STK17B: variants seen among roughly 807,000 people sequenced by gnomAD.
The protein encoded by STK17B is serine/threonine-protein kinase 17B.
Under a neutral mutation model 42.0 loss-of-function variants are expected in STK17B, and 21 were observed. That is an observed-to-expected ratio of 0.50 (90% CI 0.35 to 0.72). The LOEUF (loss-of-function observed/expected upper bound fraction) is 0.72. Ranked by LOEUF, STK17B falls within the 30% of genes least tolerant of loss-of-function variation. The pLI, the probability that STK17B is intolerant of heterozygous loss-of-function variation, is 0.00. For synonymous variants in STK17B, 143 were observed against 148.4 expected (o/e 0.96, Z 0.26); for missense variants, 349 against 446.0 (o/e 0.78, Z 1.96).
At position 196,137,731 on chromosome 2, in the gene STK17B, T is replaced by C; in HGVS notation, c.837-2A>G. The C allele has an allele frequency of 6.3e-7, 1 of 1,596,668 alleles. No individual in the cohort carries two copies. Among genetic ancestry groups the C allele is most frequent in the Non-Finnish European group, 8.5e-7 (1 of 1,171,126 alleles). ...CATATCTCTGCTGTTGGTCTTTTCC[T>C]TTGAAAGAAAGCACCAAGGGAAAAT... On this transcript the variant is annotated splice_acceptor_variant, in intron 7 of 7. Transcript: ENST00000263955. LOFTEE classifies it high-confidence loss of function.
intron 5 of STK17B, among the ~76,000 whole-genome samples, chr2:196,142,244 G>C (rs1462697342): frequency 2.0e-5 from 3 of 152,142 alleles, no homozygotes; most frequent in African/African-American, 7.2e-5. Context: ...TTTTAGTAGA[G>C]ATGGGGTTTC....
upstream of STK17B, chr2:196,176,188 C>T (rs995055171): frequency 6.6e-6 from 1 of 152,202 alleles, no homozygotes; most frequent in South Asian, 2.1e-4. Flanking sequence ...TCCACTCTGT[C>T]TTAGGGTCCA....
chr2:196,135,438 A>G lies in STK17B; in HGVS notation c.*2009T>C, dbSNP rs543456635. 3 of 152,296 alleles carry G rather than the reference A, an allele frequency of 2.0e-5. No individual in the cohort carries two copies. In the East Asian group the frequency reaches 5.8e-4, roughly 29 times the overall value. The allele number at this position is 152,296 out of a possible 1,614,324, so 9.4% of individuals were successfully genotyped here. On this transcript the variant is annotated 3_prime_UTR_variant, in exon 8 of 8. Coordinates refer to ENST00000263955, the MANE Select transcript of STK17B (RefSeq NM_004226.4). The stretch of plus-strand genomic sequence containing the variant: ...TTAAATGTCATAAGAAGAGAACATA[A>G]AGTCATATAAAGAATATAAATGTCA...
chr2:196,136,356 G>C lies in STK17B; in HGVS notation c.*1091C>G, dbSNP rs975715141. On this transcript the variant is annotated 3_prime_UTR_variant, in exon 8 of 8. Transcript: ENST00000263955. ...ACAATGAGGGGCCACTCTGCAGATG[G>C]CTTTAAGCTGAGCCTCCTCACTCAC... The C allele has an allele frequency of 6.6e-6, 1 of 152,478 alleles. No individual in the cohort carries two copies. The highest frequency in any genetic ancestry group is 1.5e-5 in the Non-Finnish European group (1 of 68,048). The allele number at this position is 152,478 out of a possible 1,614,324, so 9.4% of individuals were successfully genotyped here.
At chr2:196,165,520 C>A (rs558849167) in intron 1 of STK17B, 6 of 152,204 alleles carry the variant, frequency 3.9e-5, no homozygotes, top group Admixed American at 1.3e-4. Flanking sequence ...TTCTTTCCAC[C>A]CCCAGTTTAC....
chr2:196,163,223 T>C (rs555331419), intron 2 of STK17B, 39 bp downstream of exon 2: 37 of 1,598,702 alleles, frequency 2.3e-5, no homozygotes, highest in Middle Eastern at 2.3e-4. Flanking sequence ...AATCCAAAAT[T>C]TGAATTTAGA....
chr2:196,144,219 G>T (rs1337697045), intron 4 of STK17B, among the ~76,000 whole-genome samples: 2 of 151,422 alleles, frequency 1.3e-5, no homozygotes, highest in Admixed American at 6.6e-5. Context: ...GGCCGGGCAT[G>T]GTGGCTCACG....
In STK17B at chr2:196,136,615, A is replaced by T. The variant is rs1343265919; in HGVS notation, c.*832T>A. On this transcript the variant is annotated 3_prime_UTR_variant, in exon 8 of 8. Coordinates refer to ENST00000263955, the MANE Select transcript of STK17B (RefSeq NM_004226.4). ...TTTCTTCTATATTCAATTAATAAAT[A>T]TGTTTGACTAAAAATACAGAATATT... 4 of 152,228 alleles carry T rather than the reference A, an allele frequency of 2.6e-5. No individual in the cohort carries two copies. The highest frequency in any genetic ancestry group is 4.4e-5 in the Non-Finnish European group (3 of 68,040). 9.4% of individuals were successfully genotyped at this position (152,228 alleles called of 1,614,324 possible). A position where few individuals can be genotyped will look rare whatever the true frequency, so the allele number is the denominator to read the frequency against.
chr2:196,154,263 A>AACAACAACAAC (rs1559413056), intron 3 of STK17B: 66 of 109,910 alleles, frequency 6.0e-4, no homozygotes, highest in African/African-American at 1.7e-3. Flanking sequence ...ACAACAACAA[A>AACAACAACAAC]AGATAATAAT....
intron 3 of STK17B, chr2:196,151,292 G>A (rs1442666918): frequency 1.3e-5 from 2 of 151,788 alleles, no homozygotes; most frequent in South Asian, 2.1e-4. Context: ...CGCCCAGACT[G>A]GGGTGCAGTG....
intron 1 of STK17B, among the ~76,000 whole-genome samples, chr2:196,170,463 G>C (rs1184337247): frequency 6.6e-6 from 1 of 152,272 alleles, no homozygotes; most frequent in East Asian, 1.9e-4. Flanking sequence ...TTTTAAAAAC[G>C]TATTTTCTTA....
Position 196,159,079 on chromosome 2 carries a change from C to T in STK17B, c.123-2428G>A, listed in dbSNP as rs185523389. Among the ~76,000 whole-genome samples, 112 of 150,856 alleles carry T rather than the reference C, an allele frequency of 7.4e-4. 1 individual carries two copies. Among genetic ancestry groups the T allele is most frequent in the African/African-American group, 2.6e-3 (108 of 41,054 alleles). ...ACTCACTTGCTTCTATCAATTCTTA[C>T]TTAGATTTCGAAGCAAAAACTTGAC... On this transcript the variant is annotated intron_variant, in intron 2 of 7. Coordinates refer to ENST00000263955, the MANE Select transcript of STK17B (RefSeq NM_004226.4).
chr2:196,141,337 T>G, intron 5 of STK17B, 40 bp from the exon 6 acceptor site: 1 of 1,506,164 alleles, frequency 6.6e-7, no homozygotes, highest in Middle Eastern at 2.3e-4. Context: ...TATTGACAAA[T>G]TTTAAAACAA....
Position 196,158,201 on chromosome 2 carries a change from T to C in STK17B, c.123-1550A>G, listed in dbSNP as rs942837785. Among the ~76,000 whole-genome samples, 2 of 152,136 alleles carry C rather than the reference T, an allele frequency of 1.3e-5. 1 individual carries two copies. The highest frequency in any genetic ancestry group is 3.8e-4 in the East Asian group (2 of 5,196). On this transcript the variant is annotated intron_variant, in intron 2 of 7. Transcript: ENST00000263955. ...TAGCATGGAAAACAAAACTTGGTGTTTAGGGGGTACGGGGTGGAAACTGGG... is the reference window on the plus strand; with the variant it reads ...TAGCATGGAAAACAAAACTTGGTGTCTAGGGGGTACGGGGTGGAAACTGGG...
intron 5 of STK17B, among the ~76,000 whole-genome samples, chr2:196,142,010 GTGCATC>G (rs1699500969): frequency 6.6e-6 from 1 of 152,092 alleles, no homozygotes; most frequent in Admixed American, 6.5e-5. Flanking sequence ...ATAGGATCAT[GTGCATC>G]TGCAATGACA....
At chr2:196,162,534 C>A (rs1158559756) in intron 2 of STK17B, among the ~76,000 whole-genome samples, 2 of 151,900 alleles carry the variant, frequency 1.3e-5, no homozygotes, top group African/African-American at 4.8e-5. Flanking sequence ...ACTTAATCCT[C>A]ATAACAACCA....
chr2:196,161,318 C>T (rs1295817318), intron 2 of STK17B, among the ~76,000 whole-genome samples: 2 of 151,578 alleles, frequency 1.3e-5, no homozygotes, highest in East Asian at 1.9e-4. Context: ...AACCTTTCTT[C>T]CTATTATAAT....
chr2:196,140,109 G>A (rs929029903), intron 6 of STK17B, among the ~76,000 whole-genome samples: 5 of 152,230 alleles, frequency 3.3e-5, no homozygotes, highest in Admixed American at 3.3e-4. Context: ...CATTTCCTAA[G>A]TGGTTTCCAA....
Position 196,137,503 on chromosome 2 carries a change from G to A in STK17B, c.1063C>T (p.Arg355Cys), listed in dbSNP as rs756886954. The A allele has an allele frequency of 1.9e-5, 30 of 1,613,970 alleles. No homozygotes were observed. Among genetic ancestry groups the A allele is most frequent in the Non-Finnish European group, 2.1e-5 (25 of 1,179,990 alleles). ...EDSSMVSKRF[R>C]FDDSLPNPHE... ...GGATTGGGTAATGAGTCATCGAAAC[G>A]AAATCTTTTGGAAACCATGCTGCTA... Residue 355 changes from arginine to cysteine, a missense_variant, in exon 8 of 8, where the codon CGT (arginine) becomes TGT (cysteine). Physicochemically the swap from Arg to Cys is radical, Grantham distance 180. Coordinates refer to ENST00000263955, the MANE Select transcript of STK17B (RefSeq NM_004226.4).
Sources: allele counts gnomAD v4.1 joint callset (sites outside exome capture counted in the v4.1 genomes callset), GRCh38; gene constraint gnomAD v4.1.1; transcripts MANE v1.5; gene names NCBI Gene and HGNC (gene_info 2026-07-23, HGNC 2026-07-21).